The following AP2A1 variants were observed in gnomAD, a reference collection of about 807,000 sequenced individuals.
AP2A1 encodes AP-2 complex subunit alpha-1.
AP2A1 carries 21 observed loss-of-function variants against 107.3 expected under a neutral mutation model. That is an observed-to-expected ratio of 0.20 (90% CI 0.14 to 0.28). The LOEUF is 0.28. Among genes scored for constraint, AP2A1 ranks in the 10% least tolerant of loss-of-function variants. The pLI, the probability that AP2A1 is intolerant of heterozygous loss-of-function variation, is 1.00. For missense variants in AP2A1, 873 were observed against 1,307.7 expected, an observed-to-expected ratio of 0.67 and a Z score of 5.13; for synonymous variants, 602 against 564.8, an observed-to-expected ratio of 1.07 and a Z score of -0.93.
At position 49,799,086 on chromosome 19, in the gene AP2A1, G is replaced by T. The variant is rs2073245354; in HGVS notation, c.965+134G>T. 2.3e-6 allele frequency: 3 copies of T among 1,315,230 alleles called. No homozygotes were observed. In the Admixed American group the frequency reaches 7.5e-5, roughly 33 times the overall value. The allele number at this position is 1,315,230 out of a possible 1,614,324, so 81.5% of individuals were successfully genotyped here. On this transcript the variant is annotated intron_variant, in intron 8 of 22. Transcript: ENST00000354293. Reference sequence around the variant, plus strand: ...TAGGGTAGGAGGAGGATGGGGCTGTGAAGTGTCACCTGTGAGGTTGGTGCT... The same window carrying T: ...TAGGGTAGGAGGAGGATGGGGCTGTTAAGTGTCACCTGTGAGGTTGGTGCT...
chr19:49,770,149 G>A (rs749835349), intron 1 of AP2A1, among the ~76,000 whole-genome samples: 2 of 152,100 alleles, frequency 1.3e-5, no homozygotes, highest in Non-Finnish European at 2.9e-5. Context: ...CATTATAAGC[G>A]TGAGCCACTG....
chr19:49,773,768 G>C (rs1171412135), intron 1 of AP2A1, among the ~76,000 whole-genome samples: 1 of 152,104 alleles, frequency 6.6e-6, no homozygotes, highest in Non-Finnish European at 1.5e-5. Context: ...CTGAAAAGGT[G>C]GCATTGGAGC....
intron 1 of AP2A1, among the ~76,000 whole-genome samples, chr19:49,770,245 C>T (rs1487898428): frequency 3.9e-5 from 6 of 152,032 alleles, no homozygotes; most frequent in Admixed American, 6.6e-5. Context: ...GGAAAGAGAT[C>T]GTCCCGTCAC....
rs746525583 is a variant in AP2A1 at position 49,803,101 on chromosome 19, C to T, written c.2172-6C>T. 17 of 1,613,990 alleles carry T rather than the reference C, an allele frequency of 1.1e-5. No homozygotes were observed. Among genetic ancestry groups the T allele is most frequent in the Non-Finnish European group, 1.4e-5 (16 of 1,179,894 alleles). ...CCCCGTCATCTTGCGCCCCCTGCCC[C>T]CTCAGGTTTGTGTGTAAGAACAACG... On this transcript the variant is annotated splice_region_variant and splice_polypyrimidine_tract_variant and intron_variant, in intron 16 of 22. Transcript: ENST00000354293.
At chr19:49,779,118 C>T (rs908833991) in intron 1 of AP2A1, among the ~76,000 whole-genome samples, 1 of 151,418 alleles carries the variant, frequency 6.6e-6, no homozygotes, top group African/African-American at 2.4e-5. Flanking sequence ...GGGCAGATCA[C>T]GAGGTCAGGA....
chr19:49,798,024 T>C (rs1485029724), intron 7 of AP2A1, among the ~76,000 whole-genome samples: 3 of 152,334 alleles, frequency 2.0e-5, no homozygotes, highest in Non-Finnish European at 4.4e-5. Flanking sequence ...GTGTGTCCCA[T>C]GGTGGCGACT....
chr19:49,785,801 C>T lies in AP2A1; in HGVS notation c.473+3077C>T, dbSNP rs1296536892. On this transcript the variant is annotated intron_variant, in intron 4 of 22. Coordinates refer to ENST00000354293, the MANE Select transcript of AP2A1 (RefSeq NM_130787.3). This position sits in a 1 kb window ranked among gnomAD's most constrained non-coding sequence, Gnocchi z 4.1. ...GTGTGGTGGCGGGCACCTGTAATCCCAGCTACTTGGGAGGCTTAGGCAGGA... is the reference window on the plus strand; with the variant it reads ...GTGTGGTGGCGGGCACCTGTAATCCTAGCTACTTGGGAGGCTTAGGCAGGA... 7.2e-5 allele frequency among the ~76,000 whole-genome samples: 11 copies of T among 152,028 alleles called. No individual in the cohort carries two copies. The highest frequency in any genetic ancestry group is 2.7e-4 in the African/African-American group (11 of 41,380).
chr19:49,795,587 T>TGTTTGTTGGGGCTG, intron 6 of AP2A1, 43 bp from the exon 7 acceptor site: 1 of 292,414 alleles, frequency 3.4e-6, no homozygotes, highest in Non-Finnish European at 6.7e-6. Flanking sequence ...CACGTGCCCC[T>TGTTTGTTGGGGCTG]CCCACCCCAG....
At position 49,806,163 on chromosome 19, in the gene AP2A1, C is replaced by G; in HGVS notation, c.2700C>G (p.Asn900Lys). 3 of 1,580,402 alleles carry G rather than the reference C, an allele frequency of 1.9e-6. No individual in the cohort carries two copies. Among genetic ancestry groups the G allele is most frequent in the Non-Finnish European group, 2.6e-6 (3 of 1,163,740 alleles). Residue 900 changes from asparagine (N) to lysine (K), a missense_variant, in exon 22 of 23, where the codon AAC becomes AAG. This residue lies in a region of AP2A1 where 416 missense variants were observed against 473.4 expected (regional missense o/e 0.88). Coordinates refer to ENST00000354293, the MANE Select transcript of AP2A1 (RefSeq NM_130787.3). ...GSALLDNVDP[N>K]PENFVGAGII... ...CTCTCCTGGACAATGTGGACCCCAA[C>G]CCTGAGAACTTCGTGGGGGCGGGGA...
At chr19:49,793,347 C>A (rs1278682534) in intron 6 of AP2A1, among the ~76,000 whole-genome samples, 1 of 152,248 alleles carries the variant, frequency 6.6e-6, no homozygotes, top group Non-Finnish European at 1.5e-5. Context: ...GCACAGAGCG[C>A]TGTGGATAGA....
Position 49,805,902 on chromosome 19 carries a change from A to G in AP2A1, c.2616A>G (p.Lys872=). Reference sequence around the variant, plus strand: ...AACAGGAGGCGCAGAAAATCTTCAAAGCCAACCACCCCATGGACGCAGAAG... The same window carrying G: ...AACAGGAGGCGCAGAAAATCTTCAAGGCCAACCACCCCATGGACGCAGAAG... ...LPQQEAQKIF[K]ANHPMDAEVT... Residue 872 remains lysine (K), a synonymous_variant, in exon 21 of 23, where the codon AAA becomes AAG. Coordinates refer to ENST00000354293, the MANE Select transcript of AP2A1 (RefSeq NM_130787.3). 6.2e-7 allele frequency: 1 copy of G among 1,613,862 alleles called. No individual in the cohort carries two copies. Among genetic ancestry groups the G allele is most frequent in the Non-Finnish European group, 8.5e-7 (1 of 1,179,886 alleles).
intron 4 of AP2A1, among the ~76,000 whole-genome samples, chr19:49,790,781 A>C (rs2073131993): frequency 6.6e-6 from 1 of 152,212 alleles, no homozygotes; most frequent in African/African-American, 2.4e-5. Flanking sequence ...ACCCTTTAAA[A>C]ACCTAAGCCA....
rs1293979360 is a variant in AP2A1, at chr19:49,802,001, C to T, written c.1974C>T (p.Ala658=). 41 of 1,534,922 alleles carry T rather than the reference C, an allele frequency of 2.7e-5. No individual in the cohort carries two copies. The highest frequency in any genetic ancestry group is 3.4e-5 in the Non-Finnish European group (39 of 1,145,992). Residue 658 remains alanine, a synonymous_variant, in exon 15 of 23, where the codon GCC becomes GCT. Transcript: ENST00000354293. The part of the protein sequence containing the change: ...PSTVSTPSPS[A]DLLGLRAAPP... Reference sequence around the variant, plus strand: ...TACAGTCGACGCCCTCGCCCTCCGCCGACCTCCTGGGGCTGCGGGCAGCCC... The same window carrying T: ...TACAGTCGACGCCCTCGCCCTCCGCTGACCTCCTGGGGCTGCGGGCAGCCC...
intron 7 of AP2A1, 74 bp downstream of exon 7, chr19:49,795,812 C>A: frequency 1.7e-6 from 2 of 1,157,426 alleles, no homozygotes; most frequent in African/African-American, 1.5e-5. Context: ...CTCCACGGCG[C>A]ACCAGGTGGG....
chr19:49,776,399 C>T (rs377459940), intron 1 of AP2A1, among the ~76,000 whole-genome samples: 38 of 152,190 alleles, frequency 2.5e-4, no homozygotes, highest in South Asian at 1.9e-3. Flanking sequence ...AAGCCTTCCC[C>T]GTCCCCTGCG....
rs559483027 is a variant in AP2A1 at position 49,801,895 on chromosome 19, T to G, written c.1953+6T>G. On this transcript the variant is annotated splice_donor_region_variant and intron_variant, in intron 14 of 22. Coordinates refer to ENST00000354293, the MANE Select transcript of AP2A1 (RefSeq NM_130787.3). The stretch of plus-strand genomic sequence containing the variant: ...AGCCCACCCCCAGCACTGTGGTGAG[T>G]CCCCTGGGGTGGGCCCTGCCAGGGT... 6.8e-7 allele frequency: 1 copy of G among 1,471,860 alleles called. No individual in the cohort carries two copies. Among genetic ancestry groups the G allele is most frequent in the African/African-American group, 1.4e-5 (1 of 70,364 alleles). The allele number at this position is 1,471,860 out of a possible 1,614,324, so 91.2% of individuals were successfully genotyped here.
intron 15 of AP2A1, chr19:49,802,629 T>C (rs1436811120): frequency 2.4e-5 from 28 of 1,146,236 alleles, no homozygotes; most frequent in Non-Finnish European, 3.5e-5. Flanking sequence ...GGGAGGTCGG[T>C]CGGGGGGGCG....
intron 11 of AP2A1, among the ~76,000 whole-genome samples, chr19:49,800,449 TTTTG>T (rs368442416): frequency 7.2e-5 from 11 of 152,128 alleles, no homozygotes; most frequent in Admixed American, 1.3e-4. Flanking sequence ...CAGTCCTGTT[TTTTG>T]TTTGTTTGTT....
chr19:49,769,426 A>C (rs1265038999), intron 1 of AP2A1, among the ~76,000 whole-genome samples: 1 of 152,160 alleles, frequency 6.6e-6, no homozygotes, highest in Non-Finnish European at 1.5e-5. Context: ...GAGGGTACTC[A>C]GTAGGCCTCG....
Sources: gnomAD v4.1 joint callset for allele counts (sites outside exome capture counted in the v4.1 genomes callset) on GRCh38, gnomAD v4.1.1 for gene constraint, gnomAD v4.1.1 regional missense constraint, Gnocchi (gnomAD v3.1) non-coding constraint, MANE v1.5 for transcripts, NCBI Gene and HGNC (gene_info 2026-07-23, HGNC 2026-07-21) for gene names.